GALNTL6: variants seen among roughly 807,000 people sequenced by gnomAD.
GALNTL6 encodes the protein polypeptide N-acetylgalactosaminyltransferase like 6.
In GALNTL6, 46 loss-of-function variants were observed where a neutral mutation model predicts 73.7. That is an observed-to-expected ratio of 0.62 (90% confidence interval 0.49 to 0.80). The LOEUF is 0.80. GALNTL6 is among the 30% of genes least tolerant of loss of function. The pLI, the probability that GALNTL6 is intolerant of heterozygous loss-of-function variation, is 0.00. For synonymous variants in GALNTL6, 259 were observed against 263.7 expected, an observed-to-expected ratio of 0.98 and a Z score of 0.17; for missense variants, 604 against 755.0, an observed-to-expected ratio of 0.80 and a Z score of 2.34.
chr4:172,548,638 T>A (rs1365575868), intron 5 of GALNTL6, among the ~76,000 whole-genome samples: 1 of 152,228 alleles, frequency 6.6e-6, no homozygotes, highest in Admixed American at 6.6e-5. Flanking sequence ...AATGATTGCT[T>A]TCATATTTAT....
At chr4:172,929,202 G>A (rs1016046649) in intron 8 of GALNTL6, among the ~76,000 whole-genome samples, 4 of 152,236 alleles carry the variant, frequency 2.6e-5, no homozygotes, top group Non-Finnish European at 4.4e-5. Context: ...GAGTAATCCT[G>A]AACTCAATTA....
chr4:172,122,287 T>C (rs188519669), intron 2 of GALNTL6, among the ~76,000 whole-genome samples: 41 of 152,110 alleles, frequency 2.7e-4, no homozygotes, highest in Admixed American at 7.9e-4. Flanking sequence ...TCCTGCCAAG[T>C]GTAAAAAGTA....
At position 172,498,247 on chromosome 4, in the gene GALNTL6, C is replaced by T. The variant is rs375733584; in HGVS notation, c.553+149558C>T. 3.0e-4 allele frequency among the ~76,000 whole-genome samples: 46 copies of T among 152,144 alleles called. No homozygotes were observed. The East Asian group carries it at 4.8e-3, about 16-fold the overall frequency. On this transcript the variant is annotated intron_variant, in intron 5 of 12. Transcript: ENST00000506823. ...TCGTGATCCATCTGCCTCAACCTCC[C>T]AAAGTGCTGGGATTATAGGCATGAG...
chr4:172,001,419 C>T (rs1327412268), intron 2 of GALNTL6, among the ~76,000 whole-genome samples: 1 of 152,098 alleles, frequency 6.6e-6, no homozygotes, highest in African/African-American at 2.4e-5. Flanking sequence ...GTGGGGCCTC[C>T]ATTTCAGATA....
At chr4:171,958,951 A>G (rs1739136350) in intron 2 of GALNTL6, among the ~76,000 whole-genome samples, 1 of 152,170 alleles carries the variant, frequency 6.6e-6, no homozygotes, top group African/African-American at 2.4e-5. Flanking sequence ...TTTCTTTATT[A>G]GAGAAACTTG....
intron 2 of GALNTL6, among the ~76,000 whole-genome samples, chr4:172,027,410 T>C (rs1166749836): frequency 6.6e-6 from 1 of 152,138 alleles, no homozygotes; most frequent in African/African-American, 2.4e-5. Context: ...TGATCTTTGA[T>C]ATTACTATTA....
Position 172,310,998 on chromosome 4 carries a change from T to C in GALNTL6, c.248-616T>C, listed in dbSNP as rs570865161. On this transcript the variant is annotated intron_variant, in intron 3 of 12. Transcript: ENST00000506823. ...AAAGATATAAGAAATTATTAATTCA[T>C]AGTAATCAAGAAATGTCAAATTAAA... is the stretch of plus-strand genomic sequence containing the variant. Among the ~76,000 whole-genome samples, 3 of 152,180 alleles carry C rather than the reference T, an allele frequency of 2.0e-5. No homozygotes were observed. The East Asian group carries it at 5.8e-4, about 29-fold the overall frequency.
intron 5 of GALNTL6, among the ~76,000 whole-genome samples, chr4:172,787,906 A>G (rs1219404727): frequency 6.6e-6 from 1 of 152,252 alleles, no homozygotes; most frequent in African/African-American, 2.4e-5. Context: ...ACAGAACATT[A>G]AAGAATAAAG....
At chr4:172,138,399 T>C (rs983463015) in intron 2 of GALNTL6, among the ~76,000 whole-genome samples, 1 of 139,924 alleles carries the variant, frequency 7.1e-6, no homozygotes, top group Non-Finnish European at 1.5e-5. Flanking sequence ...TCTATTGCTT[T>C]CCTTCATTTT....
intron 2 of GALNTL6, among the ~76,000 whole-genome samples, chr4:172,083,568 C>T (rs115318244): frequency 0.015 from 2,283 of 152,238 alleles, 58 homozygotes; most frequent in African/African-American, 0.051. Context: ...CCGTAGCTCC[C>T]ACCCTTATCT....
intron 2 of GALNTL6, among the ~76,000 whole-genome samples, chr4:171,879,798 C>T (rs1736387101): frequency 6.6e-6 from 1 of 152,074 alleles, no homozygotes; most frequent in South Asian, 2.1e-4. Context: ...CATAATAGAG[C>T]CTAAGTACAC....
At chr4:172,422,736 T>C (rs1731095519) in intron 5 of GALNTL6, among the ~76,000 whole-genome samples, 1 of 151,722 alleles carries the variant, frequency 6.6e-6, no homozygotes, top group African/African-American at 2.4e-5. Context: ...ACTCAACATA[T>C]CCAAAACTGA....
intron 5 of GALNTL6, among the ~76,000 whole-genome samples, chr4:172,517,294 G>A (rs1734641903): frequency 6.6e-6 from 1 of 152,118 alleles, no homozygotes; most frequent in Non-Finnish European, 1.5e-5. Context: ...ACAAGAAATA[G>A]AGGGAGTTTG....
intron 4 of GALNTL6, among the ~76,000 whole-genome samples, chr4:172,320,320 T>C (rs2111162478): frequency 1.3e-5 from 2 of 152,256 alleles, no homozygotes; most frequent in South Asian, 4.1e-4. Context: ...GAGCAGGGTG[T>C]CTTTCCAGGA....
At chr4:172,126,927 A>T (rs1362138946) in intron 2 of GALNTL6, among the ~76,000 whole-genome samples, 2 of 151,808 alleles carry the variant, frequency 1.3e-5, no homozygotes, top group African/African-American at 4.8e-5. Flanking sequence ...GTTGGCAATG[A>T]CCCCGCTGTC....
At chr4:173,015,973 C>T (rs141677912) in intron 11 of GALNTL6, among the ~76,000 whole-genome samples, 2,115 of 152,332 alleles carry the variant, frequency 0.014, 21 homozygotes, top group Non-Finnish European at 0.02. Flanking sequence ...CGTGTCCCAG[C>T]TGCTTCAGCT....
intron 2 of GALNTL6, among the ~76,000 whole-genome samples, chr4:172,138,392 A>G (rs1338129931): frequency 7.8e-6 from 1 of 127,480 alleles, no homozygotes; most frequent in African/African-American, 3.0e-5. Flanking sequence ...TCATTAGTCT[A>G]TTGCTTTCCT....
intron 5 of GALNTL6, among the ~76,000 whole-genome samples, chr4:172,489,548 G>A (rs1579122389): frequency 6.6e-6 from 1 of 152,146 alleles, no homozygotes; most frequent in Non-Finnish European, 1.5e-5. Flanking sequence ...TACGCACAGA[G>A]CAATAAATAT....
intron 5 of GALNTL6, among the ~76,000 whole-genome samples, chr4:172,807,885 C>G (rs995887299): frequency 1.8e-4 from 27 of 152,142 alleles, no homozygotes; most frequent in African/African-American, 6.5e-4. Context: ...TGCAGCGGTG[C>G]GATCTCAGCT....
Sources: gnomAD v4.1 joint callset for allele counts (sites outside exome capture counted in the v4.1 genomes callset) on GRCh38, gnomAD v4.1.1 for gene constraint, MANE v1.5 for transcripts, NCBI Gene and HGNC (gene_info 2026-07-23, HGNC 2026-07-21) for gene names.